CCDC170: variants seen among roughly 807,000 people sequenced by gnomAD.
CCDC170 encodes the protein coiled-coil domain containing 170.
Under a neutral mutation model 72.6 loss-of-function variants are expected in CCDC170, and 69 were observed. The ratio of observed to expected loss-of-function variants is 0.95; its 90% CI spans 0.78 to 1.16. The LOEUF (loss-of-function observed/expected upper bound fraction) is 1.16, where lower values mean the gene tolerates loss of function less well. Ranked by LOEUF, CCDC170 falls within the 50% of genes most tolerant of loss-of-function variation. CCDC170 has a pLI of 0.00. For missense variants in CCDC170, 852 were observed against 832.5 expected, an observed-to-expected ratio of 1.02 and a Z score of -0.29; for synonymous variants, 300 against 303.9, an observed-to-expected ratio of 0.99 and a Z score of 0.13.
At chr6:151,525,796 A>G (rs375685074) in intron 1 of CCDC170, among the ~76,000 whole-genome samples, 2 of 152,220 alleles carry the variant, frequency 1.3e-5, no homozygotes, top group East Asian at 1.9e-4. Context: ...GTATTGATGG[A>G]CACTTACAAA....
intron 5 of CCDC170, among the ~76,000 whole-genome samples, chr6:151,554,717 C>CT (rs1162726453): frequency 6.6e-6 from 1 of 151,726 alleles, no homozygotes; most frequent in Non-Finnish European, 1.5e-5. Flanking sequence ...AAGCTGGACT[C>CT]TGTCTCAAAA....
intron 1 of CCDC170, among the ~76,000 whole-genome samples, chr6:151,515,787 G>T (rs1469570879): frequency 1.3e-5 from 2 of 152,126 alleles, no homozygotes; most frequent in African/African-American, 4.8e-5. Flanking sequence ...GACAAAGAAA[G>T]TGTGGCGCAG....
At chr6:151,522,869 C>T (rs562719261) in intron 1 of CCDC170, among the ~76,000 whole-genome samples, 3 of 152,312 alleles carry the variant, frequency 2.0e-5, no homozygotes, top group Non-Finnish European at 4.4e-5. Context: ...TTCTTGCTTT[C>T]GAGAATGCCC....
intron 3 of CCDC170, among the ~76,000 whole-genome samples, chr6:151,543,855 T>C (rs541924606): frequency 1.3e-5 from 2 of 152,338 alleles, no homozygotes; most frequent in African/African-American, 2.4e-5. Flanking sequence ...ATATTTTTTT[T>C]CCCATTCACT....
intron 9 of CCDC170, among the ~76,000 whole-genome samples, chr6:151,610,465 GGA>G (rs200578100): frequency 6.6e-6 from 1 of 152,088 alleles, no homozygotes; most frequent in Non-Finnish European, 1.5e-5. Flanking sequence ...TATTTTGCCT[GGA>G]GAGAGAGAGA....
intron 1 of CCDC170, among the ~76,000 whole-genome samples, chr6:151,524,536 T>C (rs946783851): frequency 1.3e-5 from 2 of 152,222 alleles, no homozygotes; most frequent in African/African-American, 4.8e-5. Context: ...AATTGGACTT[T>C]TAAAACATGC....
At chr6:151,502,010 A>T (rs1338732402) in intron 1 of CCDC170, among the ~76,000 whole-genome samples, 1 of 152,238 alleles carries the variant, frequency 6.6e-6, no homozygotes, top group African/African-American at 2.4e-5. Flanking sequence ...GTTCAAAGGC[A>T]TTGCTGAGGC....
intron 6 of CCDC170, among the ~76,000 whole-genome samples, chr6:151,582,686 T>C (rs1247202013): frequency 6.6e-6 from 1 of 152,104 alleles, no homozygotes; most frequent in East Asian, 1.9e-4. Flanking sequence ...GCAATGAACC[T>C]CAAGAAACTT....
At chr6:151,575,595 A>ACTCGG (rs1206868345) in intron 6 of CCDC170, among the ~76,000 whole-genome samples, 1 of 138,836 alleles carries the variant, frequency 7.2e-6, no homozygotes. Context: ...AGTGGTGCAA[A>ACTCGG]CTCGGCTCAC....
intron 9 of CCDC170, among the ~76,000 whole-genome samples, chr6:151,597,772 A>G (rs1036602699): frequency 2.6e-5 from 4 of 152,230 alleles, no homozygotes; most frequent in Admixed American, 1.3e-4. Flanking sequence ...GCCACTGGCA[A>G]TAATATGTAA....
At position 151,515,885 on chromosome 6, in the gene CCDC170, G is replaced by A. The variant is rs180785051; in HGVS notation, c.58-20433G>A. On this transcript the variant is annotated intron_variant, in intron 1 of 10. Coordinates refer to ENST00000239374, the MANE Select transcript of CCDC170 (RefSeq NM_025059.4). ...GATCAAGACCATCCTGGCCAACATGGTGAAACCCTGTCTCTACTAAAAATA... is the reference window on the plus strand; with the variant it reads ...GATCAAGACCATCCTGGCCAACATGATGAAACCCTGTCTCTACTAAAAATA... Among the ~76,000 whole-genome samples, 542 of 152,144 alleles carry A rather than the reference G, an allele frequency of 3.6e-3. 1 individual carries two copies. Among genetic ancestry groups the A allele is most frequent in the Non-Finnish European group, 4.3e-3 (291 of 67,998 alleles).
At chr6:151,543,653 C>A (rs1335518358) in intron 3 of CCDC170, among the ~76,000 whole-genome samples, 1 of 152,116 alleles carries the variant, frequency 6.6e-6, no homozygotes, top group Non-Finnish European at 1.5e-5. Context: ...CTCTAATAAT[C>A]AAAATTCTAC....
intron 9 of CCDC170, among the ~76,000 whole-genome samples, chr6:151,612,942 T>C (rs1223749830): frequency 9.3e-6 from 1 of 107,916 alleles, no homozygotes; most frequent in Non-Finnish European, 1.9e-5. Flanking sequence ...AATTCAGAGC[T>C]GTACTGGTCT....
Position 151,532,806 on chromosome 6 carries a change from T to C in CCDC170, c.58-3512T>C, listed in dbSNP as rs562773884. Among the ~76,000 whole-genome samples, 6 of 152,272 alleles carry C rather than the reference T, an allele frequency of 3.9e-5. 1 individual carries two copies. The South Asian group carries it at 8.3e-4, about 21-fold the overall frequency. On this transcript the variant is annotated intron_variant, in intron 1 of 10. Coordinates refer to ENST00000239374, the MANE Select transcript of CCDC170 (RefSeq NM_025059.4). ...TGAATTTCATATGGGAAAATGAATA[T>C]GTAAGAATAGCCAGGGTTATTCAGA... is the stretch of plus-strand genomic sequence containing the variant.
At position 151,592,516 on chromosome 6, in the gene CCDC170, G is replaced by A. The variant is rs188487786; in HGVS notation, c.1294-591G>A. Among the ~76,000 whole-genome samples the A allele has an allele frequency of 3.0e-3, 461 of 152,308 alleles. 2 individuals are homozygous for A. Among genetic ancestry groups the A allele is most frequent in the East Asian group, 0.01 (52 of 5,180 alleles). ...TAAGGGATGTCTTACATGGTGGCAG[G>A]CAAAGAGAGAGAACGAGAGCCAAGC... On this transcript the variant is annotated intron_variant, in intron 7 of 10. Coordinates refer to ENST00000239374, the MANE Select transcript of CCDC170 (RefSeq NM_025059.4).
At chr6:151,516,329 T>C (rs1332071678) in intron 1 of CCDC170, among the ~76,000 whole-genome samples, 2 of 152,204 alleles carry the variant, frequency 1.3e-5, no homozygotes, top group Non-Finnish European at 2.9e-5. Flanking sequence ...GTTTCAGGTT[T>C]ACTTTGGAAT....
intron 9 of CCDC170, 43 bp downstream of exon 9, chr6:151,596,620 C>A (rs1192464377): frequency 6.2e-7 from 1 of 1,605,284 alleles, no homozygotes; most frequent in Non-Finnish European, 8.5e-7. Context: ...TTGCTGGTTA[C>A]TGTCAATGTT....
chr6:151,588,835 G>A (rs542378811), intron 7 of CCDC170, among the ~76,000 whole-genome samples: 1 of 151,940 alleles, frequency 6.6e-6, no homozygotes, highest in African/African-American at 2.4e-5. Context: ...CAGCTACCTG[G>A]GAGGCTGAGA....
intron 1 of CCDC170, among the ~76,000 whole-genome samples, chr6:151,520,373 C>T (rs369159727): frequency 2.6e-5 from 4 of 152,156 alleles, no homozygotes; most frequent in Admixed American, 1.3e-4. Flanking sequence ...ACCGCCTTTG[C>T]GAAATTATGA....
Sources: allele counts gnomAD v4.1 joint callset (sites outside exome capture counted in the v4.1 genomes callset), GRCh38; gene constraint gnomAD v4.1.1; transcripts MANE v1.5; gene names NCBI Gene and HGNC (gene_info 2026-07-23, HGNC 2026-07-21).